PDE10A: variants seen among roughly 807,000 people sequenced by gnomAD.
The protein encoded by PDE10A is cAMP and cAMP-inhibited cGMP 3',5'-cyclic phosphodiesterase 10A.
Under a neutral mutation model 97.7 loss-of-function variants are expected in PDE10A, and 39 were observed. That is an observed-to-expected ratio of 0.40 (90% confidence interval 0.31 to 0.52). The LOEUF is 0.52. Ranked by LOEUF, PDE10A falls within the 20% of genes least tolerant of loss-of-function variation. PDE10A has a pLI of 0.56. For missense variants in PDE10A, 731 were observed against 1,047.8 expected (o/e 0.70, Z 4.17); for synonymous variants, 371 against 376.8 (o/e 0.98, Z 0.18).
intron 1 of PDE10A, among the ~76,000 whole-genome samples, chr6:165,555,880 A>G (rs1784226805): frequency 6.6e-6 from 1 of 152,338 alleles, no homozygotes; most frequent in South Asian, 2.1e-4. Flanking sequence ...AGTCAAAGAC[A>G]AGTACAGTTG....
intron 1 of PDE10A, among the ~76,000 whole-genome samples, chr6:165,590,930 A>G (rs987093632): frequency 6.6e-6 from 1 of 152,134 alleles, no homozygotes; most frequent in Non-Finnish European, 1.5e-5. Flanking sequence ...ACTCAAGTAC[A>G]ACAACCATGA....
rs1554343621 is a variant in PDE10A at position 165,943,329 on chromosome 6, A to AG, written c.-615+44199_-615+44200insC. On this transcript the variant is annotated intron_variant, in intron 1 of 19. Coordinates refer to the PDE10A transcript ENST00000366882. ...AAAGAAGGAAGGAAGGAAAGAAAGAAAAAGAAAGAAAGAAAAGAGAAAGAA... is the reference window on the plus strand; with the variant it reads ...AAAGAAGGAAGGAAGGAAAGAAAGAAGAAAGAAAGAAAGAAAAGAGAAAGAA... Among the ~76,000 whole-genome samples, 8 of 65,984 alleles carry AG rather than the reference A, an allele frequency of 1.2e-4. 1 individual carries two copies. Among genetic ancestry groups the AG allele is most frequent in the Non-Finnish European group, 1.3e-4 (4 of 31,960 alleles). The allele number at this position is 65,984 out of a possible 152,430, so 43.3% of individuals were successfully genotyped here.
intron 1 of PDE10A, among the ~76,000 whole-genome samples, chr6:165,896,355 A>ATTT (rs772660262): frequency 1.8e-4 from 26 of 144,078 alleles, no homozygotes; most frequent in Middle Eastern, 3.5e-3. Context: ...ATATTTAGTA[A>ATTT]TTTTTTTTTT....
chr6:165,646,976 C>T (rs1041448045), intron 1 of PDE10A, among the ~76,000 whole-genome samples: 1 of 152,094 alleles, frequency 6.6e-6, no homozygotes, highest in Non-Finnish European at 1.5e-5. Flanking sequence ...CAGATAAAGG[C>T]AAACCAGACG....
chr6:165,904,562 T>C (rs998442245), intron 1 of PDE10A, among the ~76,000 whole-genome samples: 2 of 152,240 alleles, frequency 1.3e-5, no homozygotes, highest in African/African-American at 2.4e-5. Context: ...ACAATTTTTT[T>C]CCCTCATTTT....
intron 1 of PDE10A, among the ~76,000 whole-genome samples, chr6:165,726,475 G>T (rs1252636151): frequency 6.6e-6 from 1 of 152,198 alleles, no homozygotes; most frequent in East Asian, 1.9e-4. Flanking sequence ...CCGGATGACA[G>T]AATTCAAGCT....
At chr6:165,414,765 A>C (rs970314399) in intron 12 of PDE10A, among the ~76,000 whole-genome samples, 5 of 152,180 alleles carry the variant, frequency 3.3e-5, no homozygotes, top group African/African-American at 1.2e-4. Flanking sequence ...TGTTTTCCCA[A>C]GCGGTTGTAC....
intron 13 of PDE10A, among the ~76,000 whole-genome samples, chr6:165,399,957 A>C (rs1786512893): frequency 6.6e-6 from 1 of 152,156 alleles, no homozygotes; most frequent in East Asian, 1.9e-4. Context: ...GGGATTGTTA[A>C]AGCAGTGTGG....
chr6:165,706,909 A>C (rs1791724200), intron 1 of PDE10A, among the ~76,000 whole-genome samples: 1 of 152,218 alleles, frequency 6.6e-6, no homozygotes, highest in African/African-American at 2.4e-5. Context: ...TTCCATTAAC[A>C]AAAGCAGGCA....
intron 13 of PDE10A, 88 bp from the exon 14 acceptor site, chr6:165,396,547 G>A (rs1786177255): frequency 4.7e-5 from 61 of 1,307,082 alleles, no homozygotes; most frequent in Non-Finnish European, 6.5e-5. Context: ...TGGTATTAAA[G>A]AATCAGAACT....
chr6:165,790,765 A>C (rs1451331115), intron 1 of PDE10A, among the ~76,000 whole-genome samples: 3 of 152,156 alleles, frequency 2.0e-5, no homozygotes, highest in Non-Finnish European at 4.4e-5. Flanking sequence ...TCTTGGCTGG[A>C]AAGTGTGTGG....
chr6:165,869,956 T>C (rs944235117), intron 1 of PDE10A, among the ~76,000 whole-genome samples: 2 of 152,018 alleles, frequency 1.3e-5, no homozygotes, highest in African/African-American at 4.8e-5. Context: ...CAAAATGAAC[T>C]AAAGATGTAA....
intron 1 of PDE10A, among the ~76,000 whole-genome samples, chr6:165,814,201 G>A (rs1342899561): frequency 1.3e-5 from 2 of 152,206 alleles, no homozygotes; most frequent in South Asian, 2.1e-4. Flanking sequence ...ACCTGCAGGT[G>A]TGGGAATGTG....
intron 1 of PDE10A, among the ~76,000 whole-genome samples, chr6:165,811,197 TG>T (rs1779272604): frequency 6.6e-6 from 1 of 152,172 alleles, no homozygotes; most frequent in Non-Finnish European, 1.5e-5. Context: ...CACTCCAGCC[TG>T]GGTGACAAAG....
chr6:165,778,212 A>G (rs1022261243), intron 1 of PDE10A, among the ~76,000 whole-genome samples: 3 of 152,076 alleles, frequency 2.0e-5, no homozygotes, highest in Non-Finnish European at 4.4e-5. Context: ...CTGGGACTAC[A>G]GGTGCCCACC....
intron 1 of PDE10A, among the ~76,000 whole-genome samples, chr6:165,943,688 G>A (rs1783662457): frequency 6.6e-6 from 1 of 152,218 alleles, no homozygotes. Context: ...CAGTGAGTCA[G>A]GTGATGCCTG....
intron 1 of PDE10A, among the ~76,000 whole-genome samples, chr6:165,575,828 A>G (rs1201937129): frequency 6.6e-6 from 1 of 152,210 alleles, no homozygotes; most frequent in Non-Finnish European, 1.5e-5. Context: ...GCTAAATATC[A>G]TTATCTCAGT....
Position 165,332,963 on chromosome 6 carries a change from A to G in PDE10A, c.*62T>C. ...CCCCACCCCCCCCAAAAAAAGGAAA[A>G]GAATGTCAAAGAAGCAAGATGAGGA... On this transcript the variant is annotated 3_prime_UTR_variant, in exon 22 of 22. Coordinates refer to ENST00000539869, the MANE Select transcript of PDE10A (RefSeq NM_001385079.1). The G allele has an allele frequency of 1.3e-6, 1 of 797,296 alleles. No homozygotes were observed. Among genetic ancestry groups the G allele is most frequent in the Non-Finnish European group, 2.1e-6 (1 of 486,942 alleles). The allele number at this position is 797,296 out of a possible 1,614,324, so 49.4% of individuals were successfully genotyped here. A position where few individuals can be genotyped will look rare whatever the true frequency, so the allele number is the denominator to read the frequency against.
intron 13 of PDE10A, among the ~76,000 whole-genome samples, chr6:165,408,962 G>A (rs1416810429): frequency 1.4e-5 from 2 of 146,442 alleles, no homozygotes; most frequent in East Asian, 2.2e-4. Context: ...TCAGGAGATC[G>A]AGACCACCCT....
Sources: gnomAD v4.1 joint callset for allele counts (sites outside exome capture counted in the v4.1 genomes callset) on GRCh38, gnomAD v4.1.1 for gene constraint, MANE v1.5 for transcripts, NCBI Gene and HGNC (gene_info 2026-07-23, HGNC 2026-07-21) for gene names.